ASS1: variants seen among roughly 807,000 people sequenced by gnomAD.
The protein encoded by ASS1 is argininosuccinate synthase.
ASS1 carries 58 observed loss-of-function variants against 60.5 expected under a neutral mutation model. That is an observed-to-expected ratio of 0.96 (90% CI 0.78 to 1.19). The LOEUF is 1.19. Among genes scored for constraint, ASS1 ranks in the 50% most tolerant of loss-of-function variants. The pLI is 0.00. For missense variants in ASS1, 454 were observed against 547.3 expected (o/e 0.83, Z 1.70); for synonymous variants, 200 against 206.9 (o/e 0.97, Z 0.29).
rs557743663 is a variant in ASS1, at chr9:130,465,032, T to C, written c.420+865T>C. Among the ~76,000 whole-genome samples, 21 of 117,434 alleles carry C rather than the reference T, an allele frequency of 1.8e-4. No homozygotes were observed. In the South Asian group the frequency reaches 4.6e-3, roughly 26 times the overall value. The allele number at this position is 117,434 out of a possible 152,430, so 77.0% of individuals were successfully genotyped here. Reference sequence around the variant, plus strand: ...TATGTATTACATATAAATACATATGTTTTATATATATATATATATATATAT... The same window carrying C: ...TATGTATTACATATAAATACATATGCTTTATATATATATATATATATATAT... On this transcript the variant is annotated intron_variant, in intron 5 of 14. Coordinates refer to ENST00000352480, the MANE Select transcript of ASS1 (RefSeq NM_054012.4).
chr9:130,485,135 G>A lies in ASS1; in HGVS notation c.839-4198G>A, dbSNP rs200523855. Among the ~76,000 whole-genome samples, 11 of 152,264 alleles carry A rather than the reference G, an allele frequency of 7.2e-5. No homozygotes were observed. In the East Asian group the frequency reaches 1.9e-3, roughly 27 times the overall value. On this transcript the variant is annotated intron_variant, in intron 11 of 14. Coordinates refer to ENST00000352480, the MANE Select transcript of ASS1 (RefSeq NM_054012.4). ...ATGGGCCAGTAGCTGGAGGACCTTG[G>A]ACAAGTCACAGCTCTTCCTCGAGCC...
At chr9:130,484,400 C>A (rs143076488) in intron 11 of ASS1, among the ~76,000 whole-genome samples, 59 of 152,108 alleles carry the variant, frequency 3.9e-4, no homozygotes, top group African/African-American at 1.3e-3. Flanking sequence ...GTCCACTCTC[C>A]CCCCAGCCAC....
chr9:130,474,611 T>A (rs957002992), intron 8 of ASS1, among the ~76,000 whole-genome samples: 11 of 152,212 alleles, frequency 7.2e-5, no homozygotes, highest in Non-Finnish European at 1.6e-4. Context: ...CAGTTCACTT[T>A]ACCTTTTTGC....
chr9:130,460,388 C>T (rs1408849334), intron 4 of ASS1, among the ~76,000 whole-genome samples: 2 of 152,316 alleles, frequency 1.3e-5, no homozygotes, highest in Non-Finnish European at 1.5e-5. Flanking sequence ...GGCATTGGCA[C>T]AGTGCTAACT....
At chr9:130,497,385 G>A (rs547551007) in intron 13 of ASS1, among the ~76,000 whole-genome samples, 19 of 152,112 alleles carry the variant, frequency 1.2e-4, no homozygotes, top group South Asian at 4.2e-4. Context: ...TGGAAATGCC[G>A]TGGCTCAGTA....
chr9:130,466,277 G>T (rs1446070194), intron 5 of ASS1, among the ~76,000 whole-genome samples: 1 of 152,152 alleles, frequency 6.6e-6, no homozygotes, highest in Non-Finnish European at 1.5e-5. Context: ...CACACCCAGA[G>T]AAGTGGGTGG....
Position 130,501,024 on chromosome 9 carries a change from C to G in ASS1, c.*3C>G, listed in dbSNP as rs372707108. On this transcript the variant is annotated 3_prime_UTR_variant, in exon 15 of 15. Coordinates refer to ENST00000352480, the MANE Select transcript of ASS1 (RefSeq NM_054012.4). ...AGAGCAAGGTCACTGCCAAATAGAC[C>G]CGTGTACAATGAGGAGCTGGGGCCT... is the stretch of plus-strand genomic sequence containing the variant. 88 of 1,612,258 alleles carry G rather than the reference C, an allele frequency of 5.5e-5. No individual in the cohort carries two copies. Among genetic ancestry groups the G allele is most frequent in the Non-Finnish European group, 7.2e-5 (85 of 1,179,556 alleles).
At chr9:130,448,422 G>GCGCGCGCACACACACACACA (rs71387350) in intron 1 of ASS1, among the ~76,000 whole-genome samples, 1 of 143,296 alleles carries the variant, frequency 7.0e-6, no homozygotes. Context: ...GTGTGCGCGC[G>GCGCGCGCACACACACACACA]CACACACACA....
Position 130,464,012 on chromosome 9 carries a change from C to T in ASS1, c.364-99C>T. 6.8e-6 allele frequency: 9 copies of T among 1,325,376 alleles called. No individual in the cohort carries two copies. The South Asian group carries it at 1.1e-4, about 16-fold the overall frequency. The allele number at this position is 1,325,376 out of a possible 1,614,324, so 82.1% of individuals were successfully genotyped here. A position where few individuals can be genotyped will look rare whatever the true frequency, so the allele number is the denominator to read the frequency against. ...TCACATGTGTACACGCTCTGCCCAG[C>T]TCTGTCTCCGCCACGGGCTGTCCTT... is the stretch of plus-strand genomic sequence containing the variant. On this transcript the variant is annotated intron_variant, in intron 4 of 14. Coordinates refer to ENST00000352480, the MANE Select transcript of ASS1 (RefSeq NM_054012.4).
intron 8 of ASS1, 147 bp downstream of exon 8, chr9:130,471,662 C>T (rs1564151878): frequency 1.6e-5 from 15 of 940,962 alleles, no homozygotes; most frequent in Admixed American, 6.2e-5. Flanking sequence ...CTGTGTTCCC[C>T]GACCCCCGCA....
In ASS1 at chr9:130,470,776, G is replaced by A. The variant is rs183807203; in HGVS notation, c.496-58G>A. 190 of 1,539,142 alleles carry A rather than the reference G, an allele frequency of 1.2e-4. 1 individual carries two copies. The South Asian group carries it at 1.4e-3, about 11-fold the overall frequency. ...TCTGAAAAAGCAGGGCCCCTGGGAC[G>A]GACCTCACGCGTCCTTCCAGCCGCC... On this transcript the variant is annotated intron_variant, in intron 6 of 14. Transcript: ENST00000352480. The surrounding 1 kb of genome is among the most constrained non-coding windows in gnomAD (Gnocchi z 4.3).
Position 130,464,519 on chromosome 9 carries a change from G to A in ASS1, c.420+352G>A, listed in dbSNP as rs1301450400. ...GGGATGGCTCTGGCACCCCAGGTGC[G>A]GGTGGGGATGGCTCTGAAACGTGGT... is the stretch of plus-strand genomic sequence containing the variant. On this transcript the variant is annotated intron_variant, in intron 5 of 14. Coordinates refer to ENST00000352480, the MANE Select transcript of ASS1 (RefSeq NM_054012.4). 3.3e-5 allele frequency among the ~76,000 whole-genome samples: 5 copies of A among 152,242 alleles called. No individual in the cohort carries two copies. In the South Asian group the frequency reaches 1.0e-3, roughly 32 times the overall value.
chr9:130,451,965 C>T, intron 1 of ASS1: 1 of 632,972 alleles, frequency 1.6e-6, no homozygotes, highest in Non-Finnish European at 2.9e-6. Flanking sequence ...AGAGATGCCT[C>T]TCCCCGACCA....
At chr9:130,465,055 TA>T (rs201208346) in intron 5 of ASS1, among the ~76,000 whole-genome samples, 14,304 of 76,306 alleles carry the variant, frequency 0.19, 733 homozygotes, top group East Asian at 0.24. Context: ...TATATATATA[TA>T]TTTTTTTTTT....
At chr9:130,466,886 G>A (rs1845756565) in intron 6 of ASS1, 87 bp downstream of exon 6, 1 of 1,458,620 alleles carries the variant, frequency 6.9e-7, no homozygotes, top group Admixed American at 1.8e-5. Context: ...CTGAGCCAGT[G>A]GCCTAGGCCG....
At chr9:130,482,237 G>A (rs919394401) in intron 11 of ASS1, among the ~76,000 whole-genome samples, 14 of 152,032 alleles carry the variant, frequency 9.2e-5, no homozygotes, top group Non-Finnish European at 2.1e-4. Context: ...CTGGTACACT[G>A]GAAGTGCTCC....
At position 130,477,675 on chromosome 9, in the gene ASS1, G is replaced by A. The variant is rs1028628363; in HGVS notation, c.688+714G>A. 6.6e-6 allele frequency among the ~76,000 whole-genome samples: 1 copy of A among 152,218 alleles called. No individual in the cohort carries two copies. Among genetic ancestry groups the A allele is most frequent in the Non-Finnish European group, 1.5e-5 (1 of 68,024 alleles). On this transcript the variant is annotated intron_variant, in intron 9 of 14. Transcript: ENST00000352480. This position sits in a 1 kb window ranked among gnomAD's most constrained non-coding sequence, Gnocchi z 4.2. ...CGAGGCATGCCCGCCTGGGCTCAGAGGGAGGGCTCAGAGGGCGGGCTCAGA... is the reference window on the plus strand; with the variant it reads ...CGAGGCATGCCCGCCTGGGCTCAGAAGGAGGGCTCAGAGGGCGGGCTCAGA...
chr9:130,497,031 A>C (rs1044394082), intron 13 of ASS1, among the ~76,000 whole-genome samples: 1 of 152,174 alleles, frequency 6.6e-6, no homozygotes, highest in Middle Eastern at 3.2e-3. Flanking sequence ...CTTTCTAAAC[A>C]CTTTATAAGC....
intron 6 of ASS1, among the ~76,000 whole-genome samples, chr9:130,467,825 C>A (rs919613983): frequency 6.6e-6 from 1 of 152,180 alleles, no homozygotes; most frequent in African/African-American, 2.4e-5. Context: ...TCTACCCTCA[C>A]GCCTCGAGTC....
Sources: gnomAD v4.1 joint callset for allele counts (sites outside exome capture counted in the v4.1 genomes callset) on GRCh38, gnomAD v4.1.1 for gene constraint, Gnocchi (gnomAD v3.1) non-coding constraint, MANE v1.5 for transcripts, NCBI Gene and HGNC (gene_info 2026-07-23, HGNC 2026-07-21) for gene names.